Variants in RAB27B observed in about 807,000 individuals in gnomAD.
RAB27B encodes RAB27B, member RAS oncogene family.
Under a neutral mutation model 24.6 loss-of-function variants are expected in RAB27B, and 15 were observed. The observed-to-expected ratio is 0.61, with a 90% CI of 0.41 to 0.94. The LOEUF is 0.94. RAB27B is among the 40% of genes least tolerant of loss of function. The pLI is 0.00. For missense variants in RAB27B, 261 were observed against 266.8 expected (o/e 0.98, Z 0.15); for synonymous variants, 105 against 92.5 (o/e 1.14, Z -0.78).
chr18:54,722,001 C>G (rs987884390), intron 2 of RAB27B, among the ~76,000 whole-genome samples: 19 of 152,064 alleles, frequency 1.2e-4, no homozygotes, highest in African/African-American at 4.3e-4. Context: ...AGAAATTTAC[C>G]CTTGGAGCCC....
intron 2 of RAB27B, among the ~76,000 whole-genome samples, chr18:54,772,390 C>T (rs1458095397): frequency 2.0e-5 from 3 of 152,166 alleles, no homozygotes; most frequent in South Asian, 4.1e-4. Context: ...CAAATGAAGA[C>T]TGGGAATTAG....
intron 1 of RAB27B, among the ~76,000 whole-genome samples, chr18:54,845,385 C>T (rs947952241): frequency 3.5e-5 from 4 of 113,956 alleles, no homozygotes; most frequent in East Asian, 2.7e-4. Flanking sequence ...CCAGCCTGGG[C>T]GATAAGTGAG....
At chr18:54,765,113 AC>A (rs1908319781) in intron 2 of RAB27B, among the ~76,000 whole-genome samples, 1 of 152,178 alleles carries the variant, frequency 6.6e-6, no homozygotes, top group South Asian at 2.1e-4. Flanking sequence ...AGCAAAAAAA[AC>A]CAAAAAGAAA....
intron 2 of RAB27B, among the ~76,000 whole-genome samples, chr18:54,797,952 T>A (rs1205482136): frequency 6.6e-6 from 1 of 152,238 alleles, no homozygotes; most frequent in Non-Finnish European, 1.5e-5. Context: ...ATTCTTTAAG[T>A]ATTAGTGTCA....
intron 2 of RAB27B, among the ~76,000 whole-genome samples, chr18:54,791,561 G>A (rs561452333): frequency 6.6e-6 from 1 of 152,284 alleles, no homozygotes; most frequent in South Asian, 2.1e-4. Context: ...CGGAAGAGGG[G>A]AAGGGAGGTG....
At chr18:54,831,749 A>G (rs989407069) in intron 1 of RAB27B, among the ~76,000 whole-genome samples, 3 of 151,908 alleles carry the variant, frequency 2.0e-5, no homozygotes, top group East Asian at 3.9e-4. Flanking sequence ...TCGGTGGTCA[A>G]GAAAAGCCTC....
At chr18:54,794,628 C>A (rs1909356970) in intron 2 of RAB27B, among the ~76,000 whole-genome samples, 1 of 152,202 alleles carries the variant, frequency 6.6e-6, no homozygotes, top group Middle Eastern at 3.4e-3. Flanking sequence ...AATGGCTGTT[C>A]CTGTTGTTTT....
intron 2 of RAB27B, among the ~76,000 whole-genome samples, chr18:54,789,430 G>A (rs1486710036): frequency 6.6e-6 from 1 of 151,978 alleles, no homozygotes; most frequent in African/African-American, 2.4e-5. Context: ...ATATTAGAAA[G>A]ATGTTTAGAT....
intron 3 of RAB27B, among the ~76,000 whole-genome samples, chr18:54,883,387 A>G (rs7241285): frequency 0.55 from 83,620 of 151,946 alleles, 23,472 homozygotes; most frequent in South Asian, 0.67. Context: ...AAAGGCTAAA[A>G]TAGGAGACCA....
At chr18:54,816,975 A>G (rs1910141164) in intron 2 of RAB27B, among the ~76,000 whole-genome samples, 1 of 152,144 alleles carries the variant, frequency 6.6e-6, no homozygotes, top group African/African-American at 2.4e-5. Flanking sequence ...AGACTATTTT[A>G]TTGCAAATCA....
At position 54,889,496 on chromosome 18, in the gene RAB27B, G is replaced by GATC; in HGVS notation, c.*83_*84insATC. Reference sequence around the variant, plus strand: ...TGACAAACCACACAATTGTTGTTGAGTAAACCACGCACAATGGCATGTCTT... The same window carrying GATC: ...TGACAAACCACACAATTGTTGTTGAGATCTAAACCACGCACAATGGCATGTCTT... On this transcript the variant is annotated 3_prime_UTR_variant, in exon 6 of 6. Transcript: ENST00000262094. 1 of 1,253,270 alleles carries GATC rather than the reference G, an allele frequency of 8.0e-7. No individual in the cohort carries two copies. The highest frequency in any genetic ancestry group is 1.1e-6 in the Non-Finnish European group (1 of 918,448). The allele number at this position is 1,253,270 out of a possible 1,614,324, so 77.6% of individuals were successfully genotyped here. A position where few individuals can be genotyped will look rare whatever the true frequency, so the allele number is the denominator to read the frequency against.
chr18:54,848,449 G>A (rs1273619929), intron 1 of RAB27B, among the ~76,000 whole-genome samples: 1 of 152,034 alleles, frequency 6.6e-6, no homozygotes, highest in Non-Finnish European at 1.5e-5. Context: ...CCAGACTACA[G>A]GTAAAGAACT....
intron 1 of RAB27B, among the ~76,000 whole-genome samples, chr18:54,838,182 G>A (rs1188666046): frequency 6.6e-6 from 1 of 152,032 alleles, no homozygotes. Flanking sequence ...ACTTACCAAA[G>A]CATAACAAAA....
intron 3 of RAB27B, among the ~76,000 whole-genome samples, chr18:54,882,139 G>A (rs1027556875): frequency 2.0e-5 from 3 of 152,158 alleles, no homozygotes; most frequent in Non-Finnish European, 2.9e-5. Context: ...CTGCTCTACA[G>A]TTTTAGATCA....
At chr18:54,876,716 T>A (rs1437731048) in intron 1 of RAB27B, among the ~76,000 whole-genome samples, 1 of 152,052 alleles carries the variant, frequency 6.6e-6, no homozygotes. Flanking sequence ...AAGGAATAAT[T>A]TGTATACAGA....
intron 2 of RAB27B, among the ~76,000 whole-genome samples, chr18:54,773,250 C>G (rs1908609855): frequency 6.6e-6 from 1 of 152,176 alleles, no homozygotes; most frequent in African/African-American, 2.4e-5. Context: ...CTAAGGTCAT[C>G]ATTCAATACA....
chr18:54,843,570 A>G (rs1202774770), intron 1 of RAB27B, among the ~76,000 whole-genome samples: 3 of 152,202 alleles, frequency 2.0e-5, no homozygotes, highest in Admixed American at 6.5e-5. Context: ...CTGCTGATCA[A>G]TCAAAATAAA....
intron 1 of RAB27B, among the ~76,000 whole-genome samples, chr18:54,852,313 T>G (rs1381436418): frequency 6.6e-6 from 1 of 152,136 alleles, no homozygotes; most frequent in Non-Finnish European, 1.5e-5. Flanking sequence ...TTAAAGAAAT[T>G]GTTCAAGCCA....
In RAB27B at chr18:54,846,132, T is replaced by C. The variant is rs376118407; in HGVS notation, c.-20+17432T>C. The stretch of plus-strand genomic sequence containing the variant: ...TCAGCGCTTGAGGGACTGTCTAATG[T>C]TCCTAAAGGCAAGCAGGCTATATGT... On this transcript the variant is annotated intron_variant, in intron 1 of 5. Coordinates refer to ENST00000262094, the MANE Select transcript of RAB27B (RefSeq NM_004163.4). Among the ~76,000 whole-genome samples the C allele has an allele frequency of 3.1e-4, 47 of 152,302 alleles. 1 individual carries two copies. In the East Asian group the frequency reaches 7.1e-3, roughly 23 times the overall value.
Sources: allele counts gnomAD v4.1 joint callset (sites outside exome capture counted in the v4.1 genomes callset), GRCh38; gene constraint gnomAD v4.1.1; transcripts MANE v1.5; gene names NCBI Gene and HGNC (gene_info 2026-07-23, HGNC 2026-07-21).